The following PTPRD variants were observed in gnomAD, a reference collection of about 807,000 sequenced individuals.
PTPRD encodes the protein receptor-type tyrosine-protein phosphatase delta.
PTPRD carries 34 observed loss-of-function variants against 214.5 expected under a neutral mutation model. The observed-to-expected ratio is 0.16, with a 90% CI of 0.12 to 0.21. The LOEUF (loss-of-function observed/expected upper bound fraction) is 0.21, where lower values mean the gene tolerates loss of function less well. Ranked by LOEUF, PTPRD falls within the 10% of genes least tolerant of loss-of-function variation. The pLI, the probability that PTPRD is intolerant of heterozygous loss-of-function variation, is 1.00. For synonymous variants in PTPRD, 1,128 were observed against 845.7 expected, an observed-to-expected ratio of 1.33 and a Z score of -5.79; for missense variants, 2,545 against 2,398.7, an observed-to-expected ratio of 1.06 and a Z score of -1.27.
At chr9:8,321,200 T>C (rs1180212436) in intron 44 of PTPRD, among the ~76,000 whole-genome samples, 2 of 151,840 alleles carry the variant, frequency 1.3e-5, no homozygotes, top group Non-Finnish European at 2.9e-5. Context: ...GAAACTGAGA[T>C]TTATTATCTT....
chr9:9,923,123 G>GGTGTGT (rs35299908), intron 5 of PTPRD, among the ~76,000 whole-genome samples: 57 of 145,046 alleles, frequency 3.9e-4, no homozygotes, highest in South Asian at 1.3e-3. Context: ...GTGTGTGGGG[G>GGTGTGT]GTGTGTGTGT....
intron 31 of PTPRD, among the ~76,000 whole-genome samples, chr9:8,469,304 C>T (rs1454503483): frequency 6.6e-6 from 1 of 152,030 alleles, no homozygotes; most frequent in African/African-American, 2.4e-5. Context: ...TTACTTACTA[C>T]CAAACGGCTT....
intron 10 of PTPRD, among the ~76,000 whole-genome samples, chr9:9,145,994 C>T (rs1354782685): frequency 6.6e-6 from 1 of 152,184 alleles, no homozygotes; most frequent in Non-Finnish European, 1.5e-5. Flanking sequence ...CCTGATGGCG[C>T]TTTGACCTAA....
chr9:9,395,771 G>A (rs979817096), intron 9 of PTPRD, among the ~76,000 whole-genome samples: 5 of 151,930 alleles, frequency 3.3e-5, no homozygotes, highest in East Asian at 1.9e-4. Context: ...AATGTGGTAC[G>A]AAACCAAAAG....
At chr9:9,038,631 C>T (rs1367140784) in intron 10 of PTPRD, among the ~76,000 whole-genome samples, 2 of 147,936 alleles carry the variant, frequency 1.4e-5, no homozygotes, top group Non-Finnish European at 3.0e-5. Context: ...TCTTGGCTCA[C>T]TGAAACCTCC....
intron 11 of PTPRD, among the ~76,000 whole-genome samples, chr9:8,759,032 G>GTT (rs545532961): frequency 2.1e-3 from 299 of 139,976 alleles, no homozygotes; most frequent in Middle Eastern, 7.8e-3. Flanking sequence ...TTGGTTTTGG[G>GTT]TTTTTTTTTT....
chr9:10,505,709 T>A (rs1318312256), intron 2 of PTPRD, among the ~76,000 whole-genome samples: 1 of 151,658 alleles, frequency 6.6e-6, no homozygotes, highest in African/African-American at 2.4e-5. Context: ...AACTGCAGAT[T>A]AAACCCAGCT....
At chr9:9,623,480 C>T (rs1369900737) in intron 7 of PTPRD, among the ~76,000 whole-genome samples, 2 of 152,328 alleles carry the variant, frequency 1.3e-5, no homozygotes, top group South Asian at 4.1e-4. Flanking sequence ...ACTTGACAGG[C>T]ACTCACTGAC....
intron 2 of PTPRD, among the ~76,000 whole-genome samples, chr9:10,372,399 G>A (rs2097645058): frequency 6.6e-6 from 1 of 152,000 alleles, no homozygotes; most frequent in Non-Finnish European, 1.5e-5. Context: ...TTTTTGCTTA[G>A]ATATTTTTGT....
chr9:9,299,974 A>G (rs1241913443), intron 9 of PTPRD, among the ~76,000 whole-genome samples: 1 of 149,616 alleles, frequency 6.7e-6, no homozygotes, highest in Non-Finnish European at 1.5e-5. Context: ...GTTAACTATT[A>G]TCTCGTATGC....
At chr9:10,592,920 C>A (rs575499101) in intron 2 of PTPRD, among the ~76,000 whole-genome samples, 1 of 151,900 alleles carries the variant, frequency 6.6e-6, no homozygotes, top group Non-Finnish European at 1.5e-5. Flanking sequence ...CTGCTCTTGT[C>A]CCCTTCCACA....
intron 7 of PTPRD, among the ~76,000 whole-genome samples, chr9:9,623,885 G>C (rs1266537460): frequency 6.6e-6 from 1 of 152,104 alleles, no homozygotes; most frequent in Non-Finnish European, 1.5e-5. Context: ...ATCTCTCTTA[G>C]ATTGCCCAAA....
At chr9:10,483,020 G>A (rs1394850980) in intron 2 of PTPRD, among the ~76,000 whole-genome samples, 1 of 152,058 alleles carries the variant, frequency 6.6e-6, no homozygotes, top group Admixed American at 6.6e-5. Context: ...GGCATCGTAT[G>A]ACTCAACTTC....
At chr9:8,904,281 A>G (rs1326641400) in intron 11 of PTPRD, among the ~76,000 whole-genome samples, 6 of 152,360 alleles carry the variant, frequency 3.9e-5, no homozygotes, top group Middle Eastern at 3.4e-3. Flanking sequence ...CAGTAAATTT[A>G]AGATTGATAT....
At chr9:9,440,721 T>C (rs1251492840) in intron 8 of PTPRD, among the ~76,000 whole-genome samples, 2 of 152,266 alleles carry the variant, frequency 1.3e-5, no homozygotes, top group African/African-American at 4.8e-5. Context: ...AATTATTCCA[T>C]ATTTATTGAG....
chr9:9,929,558 T>G (rs768141013), intron 5 of PTPRD, among the ~76,000 whole-genome samples: 23 of 152,266 alleles, frequency 1.5e-4, no homozygotes, highest in Non-Finnish European at 2.8e-4. Flanking sequence ...CATGCCCAGC[T>G]AACTTTTATA....
At chr9:9,370,407 C>G (rs562365539) in intron 9 of PTPRD, among the ~76,000 whole-genome samples, 59 of 151,876 alleles carry the variant, frequency 3.9e-4, no homozygotes, top group Non-Finnish European at 7.5e-4. Flanking sequence ...ATTTGGCTCT[C>G]TATTTGTCTG....
At chr9:8,659,651 A>G (rs2096989886) in intron 12 of PTPRD, among the ~76,000 whole-genome samples, 1 of 152,222 alleles carries the variant, frequency 6.6e-6, no homozygotes, top group Non-Finnish European at 1.5e-5. Context: ...AGGGTACAGA[A>G]GTAATTGATT....
intron 9 of PTPRD, among the ~76,000 whole-genome samples, chr9:9,384,366 T>TTTTTTTTTTTTTTTTG (rs2063240796): frequency 8.1e-6 from 1 of 124,162 alleles, no homozygotes; most frequent in Non-Finnish European, 1.7e-5. Flanking sequence ...TTTTTTTTTT[T>TTTTTTTTTTTTTTTTG]TTTTTTTTTT....
Sources: gnomAD v4.1 joint callset for allele counts (sites outside exome capture counted in the v4.1 genomes callset) on GRCh38, gnomAD v4.1.1 for gene constraint, MANE v1.5 for transcripts, NCBI Gene and HGNC (gene_info 2026-07-23, HGNC 2026-07-21) for gene names.